The following INA variants were observed in gnomAD, a reference collection of about 807,000 sequenced individuals.
The protein encoded by INA is internexin neuronal intermediate filament protein alpha.
A neutral mutation model predicts 40.1 loss-of-function variants in INA; 35 were observed. The ratio of observed to expected loss-of-function variants is 0.87; its 90% confidence interval spans 0.67 to 1.16. The LOEUF is 1.16. Ranked by LOEUF, INA falls within the 50% of genes most tolerant of loss-of-function variation. The pLI, the probability that INA is intolerant of heterozygous loss-of-function variation, is 0.00. For synonymous variants in INA, 290 were observed against 316.9 expected, an observed-to-expected ratio of 0.92 and a Z score of 0.90; for missense variants, 594 against 686.7, an observed-to-expected ratio of 0.87 and a Z score of 1.51.
intron 1 of INA, chr10:103,281,041 G>C: frequency 3.9e-6 from 2 of 511,950 alleles, no homozygotes; most frequent in Non-Finnish European, 5.0e-6. Context: ...GACAAGCCAA[G>C]TCTTCTCTTT....
In INA at chr10:103,277,502, G is replaced by A. The variant is rs754439685; in HGVS notation, c.291G>A (p.Gln97=). 3.1e-6 allele frequency: 5 copies of A among 1,589,742 alleles called. No individual in the cohort carries two copies. In the South Asian group the frequency reaches 4.5e-5, roughly 14 times the overall value. Residue 97 remains glutamine, a synonymous_variant, in exon 1 of 3, where the codon CAG becomes CAA. Coordinates refer to ENST00000369849, the MANE Select transcript of INA (RefSeq NM_032727.4). This position sits in a 1 kb window ranked among gnomAD's most constrained non-coding sequence, Gnocchi z 5.6. ...YKIIRTNEKE[Q]LQGLNDRFAV... ...TCATCCGCACCAACGAGAAGGAGCA[G>A]CTGCAGGGCCTCAACGACCGCTTCG...
intron 1 of INA, among the ~76,000 whole-genome samples, chr10:103,284,145 TCGCCCAGGCTGGA>T (rs1488588977): frequency 6.6e-6 from 1 of 151,482 alleles, no homozygotes; most frequent in African/African-American, 2.4e-5. Flanking sequence ...TCTTGCTGTG[TCGCCCAGGCTGGA>T]GCACAGTGGC....
At chr10:103,286,715 C>T (rs1294015447) in intron 1 of INA, among the ~76,000 whole-genome samples, 1 of 152,004 alleles carries the variant, frequency 6.6e-6, no homozygotes, top group Non-Finnish European at 1.5e-5. Flanking sequence ...AAAATCATCT[C>T]CATGTTCAGT....
intron 1 of INA, chr10:103,280,305 C>G (rs544920691): frequency 1.0e-6 from 1 of 985,296 alleles, no homozygotes; most frequent in East Asian, 1.1e-4. Flanking sequence ...AGAGCTGGTT[C>G]CCTACTCCTT....
At chr10:103,284,584 T>G (rs944510900) in intron 1 of INA, among the ~76,000 whole-genome samples, 1 of 151,848 alleles carries the variant, frequency 6.6e-6, no homozygotes, top group African/African-American at 2.4e-5. Context: ...TGAAACCCCA[T>G]CTCTACTAAA....
Position 103,290,136 on chromosome 10 carries a change from G to T in INA, c.*1467G>T, listed in dbSNP as rs1486873852. The T allele has an allele frequency of 6.5e-6, 1 of 152,676 alleles. No individual in the cohort carries two copies. The highest frequency in any genetic ancestry group is 1.5e-5 in the Non-Finnish European group (1 of 68,072). The allele number at this position is 152,676 out of a possible 1,614,324, so 9.5% of individuals were successfully genotyped here. A position where few individuals can be genotyped will look rare whatever the true frequency, so the allele number is the denominator to read the frequency against. ...TCACTTCGGCCAGAGCTGAAGAGTT[G>T]CCCCGTCTCTGTTCCATGTCTCCTT... On this transcript the variant is annotated 3_prime_UTR_variant, in exon 3 of 3. Transcript: ENST00000369849.
At chr10:103,280,956 CT>C in intron 1 of INA, 1 of 984,236 alleles carries the variant, frequency 1.0e-6, no homozygotes, top group Non-Finnish European at 1.2e-6. Context: ...TGTGGTCAGT[CT>C]TGGAAAGTTG....
chr10:103,277,752 C>A lies in INA; in HGVS notation c.541C>A (p.Arg181Ser). Residue 181 changes from arginine (R) to serine (S), a missense_variant, in exon 1 of 3, where the codon CGC (arginine) becomes AGC (serine). Transcript: ENST00000369849. This position sits in a 1 kb window ranked among gnomAD's most constrained non-coding sequence, Gnocchi z 5.6. ...LAEEVQRLRA[R>S]CEEESRGREG... Reference sequence around the variant, plus strand: ...GGAGGAGGTGCAGCGGCTGCGGGCGCGCTGCGAGGAGGAGAGCCGCGGACG... The same window carrying A: ...GGAGGAGGTGCAGCGGCTGCGGGCGAGCTGCGAGGAGGAGAGCCGCGGACG... 7.0e-7 allele frequency: 1 copy of A among 1,430,080 alleles called. No individual in the cohort carries two copies. The highest frequency in any genetic ancestry group is 1.5e-5 in the South Asian group (1 of 66,494). 88.6% of individuals were successfully genotyped at this position (1,430,080 alleles called of 1,614,324 possible).
At chr10:103,279,261 A>G (rs1215920246) in intron 1 of INA, among the ~76,000 whole-genome samples, 5 of 152,178 alleles carry the variant, frequency 3.3e-5, no homozygotes, top group Non-Finnish European at 5.9e-5. Flanking sequence ...TCCCACTTGA[A>G]AATTCCTGTT....
intron 1 of INA, among the ~76,000 whole-genome samples, chr10:103,283,135 G>A (rs1294785849): frequency 1.3e-5 from 2 of 152,186 alleles, no homozygotes; most frequent in Admixed American, 6.5e-5. Context: ...TAGAAAACTG[G>A]CTGAGGTCCA....
At chr10:103,281,870 T>C (rs2093073372) in intron 1 of INA, among the ~76,000 whole-genome samples, 1 of 152,242 alleles carries the variant, frequency 6.6e-6, no homozygotes, top group Admixed American at 6.5e-5. Flanking sequence ...TGCTCAGCGT[T>C]TGTCTTAGCT....
Position 103,277,767 on chromosome 10 carries a change from A to G in INA, c.556A>G (p.Ser186Gly). 1 of 1,477,920 alleles carries G rather than the reference A, an allele frequency of 6.8e-7. No homozygotes were observed. Among genetic ancestry groups the G allele is most frequent in the Non-Finnish European group, 8.9e-7 (1 of 1,123,976 alleles). The allele number at this position is 1,477,920 out of a possible 1,614,324, so 91.6% of individuals were successfully genotyped here. ...QRLRARCEEE[S>G]RGREGAERAL... ...GCTGCGGGCGCGCTGCGAGGAGGAG[A>G]GCCGCGGACGCGAAGGCGCCGAGCG... Residue 186 changes from serine to glycine, a missense_variant, in exon 1 of 3, where the codon AGC becomes GGC. Ser to Gly is a moderately conservative substitution (Grantham distance 56). This residue lies in a region of INA where 379 missense variants were observed against 496.1 expected (regional missense o/e 0.76). Transcript: ENST00000369849. This position sits in a 1 kb window ranked among gnomAD's most constrained non-coding sequence, Gnocchi z 5.6.
chr10:103,280,608 C>A, intron 1 of INA: 1 of 985,424 alleles, frequency 1.0e-6, no homozygotes, highest in Non-Finnish European at 1.2e-6. Context: ...CCATTAAAGT[C>A]CCATCTTCTC....
rs1199287406 is a variant in INA, at chr10:103,288,218, TTAAA to T, written c.1191-139_1191-136del. On this transcript the variant is annotated intron_variant, in intron 2 of 2. Transcript: ENST00000369849. The stretch of plus-strand genomic sequence containing the variant: ...TGGTCCAACCCTTTGAGCTTTGAAA[TTAAA>T]TATTTATTGGTTTCAATCTCATGAA... 4.0e-6 allele frequency: 3 copies of T among 742,358 alleles called. No individual in the cohort carries two copies. The African/African-American group carries it at 5.3e-5, about 13-fold the overall frequency. The allele number at this position is 742,358 out of a possible 1,614,324, so 46.0% of individuals were successfully genotyped here.
At chr10:103,287,799 C>T in intron 2 of INA, among the ~76,000 whole-genome samples, 1 of 151,412 alleles carries the variant, frequency 6.6e-6, no homozygotes, top group East Asian at 1.9e-4. Context: ...GGTTTGGGGC[C>T]ACTCTTTTAT....
Position 103,277,298 on chromosome 10 carries a change from C to T in INA, c.87C>T (p.Leu29=), listed in dbSNP as rs1264930247. The T allele has an allele frequency of 3.1e-6, 5 of 1,589,948 alleles. No individual in the cohort carries two copies. The highest frequency in any genetic ancestry group is 4.3e-6 in the Non-Finnish European group (5 of 1,172,286). Residue 29 remains leucine (L), a synonymous_variant, in exon 1 of 3, where the codon CTC becomes CTT. Transcript: ENST00000369849. This position sits in a 1 kb window ranked among gnomAD's most constrained non-coding sequence, Gnocchi z 5.6. ...ATGGCTCTCGCCTGTCCGCCCGCCT[C>T]TCTGGGGCCGGCGGCGCGGGCGGCT... ...FGDGSRLSAR[L]SGAGGAGGFR...
intron 1 of INA, among the ~76,000 whole-genome samples, chr10:103,283,508 G>T (rs1030603019): frequency 3.9e-5 from 6 of 152,078 alleles, no homozygotes; most frequent in Admixed American, 6.5e-5. Context: ...GTCATTCCTT[G>T]TTCTGTACCC....
chr10:103,285,047 G>A (rs560663680), intron 1 of INA, among the ~76,000 whole-genome samples: 6 of 152,078 alleles, frequency 3.9e-5, no homozygotes, highest in South Asian at 2.1e-4. Flanking sequence ...GCAATGGCAC[G>A]ATCTCGGCTC....
In INA at chr10:103,278,968, TAAG is replaced by T. The variant is rs2093067238; in HGVS notation, c.1065+695_1065+697del. Among the ~76,000 whole-genome samples the T allele has an allele frequency of 6.7e-6, 1 of 149,080 alleles. No homozygotes were observed. Among genetic ancestry groups the T allele is most frequent in the Non-Finnish European group, 1.5e-5 (1 of 67,340 alleles). ...TGTCCACCAGCTGACATTTCCTCCT[TAAG>T]AAAGCGTTCGCCGGTTGGCAAAACG... On this transcript the variant is annotated intron_variant, in intron 1 of 2. Coordinates refer to ENST00000369849, the MANE Select transcript of INA (RefSeq NM_032727.4). This position sits in a 1 kb window ranked among gnomAD's most constrained non-coding sequence, Gnocchi z 4.9.
Sources: gnomAD v4.1 joint callset for allele counts (sites outside exome capture counted in the v4.1 genomes callset) on GRCh38, gnomAD v4.1.1 for gene constraint, gnomAD v4.1.1 regional missense constraint, Gnocchi (gnomAD v3.1) non-coding constraint, MANE v1.5 for transcripts, NCBI Gene and HGNC (gene_info 2026-07-23, HGNC 2026-07-21) for gene names.